DHRSX: variants seen among roughly 807,000 people sequenced by gnomAD.
DHRSX encodes the protein dehydrogenase/reductase X-linked, also known as polyprenol dehydrogenase.
A neutral mutation model predicts 34.0 loss-of-function variants in DHRSX; 31 were observed. The observed-to-expected ratio is 0.91, with a 90% CI of 0.69 to 1.23. The LOEUF (loss-of-function observed/expected upper bound fraction) is 1.23. DHRSX is among the 50% of genes most tolerant of loss of function. DHRSX has a pLI of 0.00. For synonymous variants in DHRSX, 201 were observed against 183.8 expected (o/e 1.09, Z -0.76); for missense variants, 414 against 428.1 (o/e 0.97, Z 0.29).
intron 1 of DHRSX, among the ~76,000 whole-genome samples, chrX:2,495,877 T>C (rs921136365): frequency 6.6e-6 from 1 of 152,060 alleles, no homozygotes; most frequent in Non-Finnish European, 1.5e-5. Context: ...GTGCCTCACA[T>C]GACTCTTACC....
intron 6 of DHRSX, among the ~76,000 whole-genome samples, chrX:2,232,069 TTTTA>T (rs1490568750): frequency 6.7e-6 from 1 of 148,714 alleles, no homozygotes; most frequent in African/African-American, 2.5e-5. Context: ...GTCTTCCTCC[TTTTA>T]TTTTTTCTCC....
At chrX:2,321,207 G>A (rs1048057764) in intron 3 of DHRSX, among the ~76,000 whole-genome samples, 1 of 152,168 alleles carries the variant, frequency 6.6e-6, no homozygotes, top group Admixed American at 6.6e-5. Context: ...TGCTGCCAAA[G>A]AGCTTGATGG....
chrX:2,345,998 C>G (rs775962658), intron 3 of DHRSX, among the ~76,000 whole-genome samples: 5 of 152,220 alleles, frequency 3.3e-5, no homozygotes, highest in African/African-American at 9.6e-5. Context: ...ACACACAGTT[C>G]CCTGGTTCTG....
At chrX:2,282,756 A>C (rs2041733284) in intron 4 of DHRSX, among the ~76,000 whole-genome samples, 1 of 122,522 alleles carries the variant, frequency 8.2e-6, no homozygotes, top group Non-Finnish European at 1.7e-5. Context: ...GAGAGAGAGA[A>C]GAGGGGAGAA....
chrX:2,282,798 AG>A (rs2041737425), intron 4 of DHRSX, among the ~76,000 whole-genome samples: 1 of 47,914 alleles, frequency 2.1e-5, no homozygotes, highest in African/African-American at 8.3e-5. Flanking sequence ...GAGAGAAGAA[AG>A]AGAGAAGAGA....
At position 2,443,269 on chromosome X, in the gene DHRSX, G is replaced by A. The variant is rs186791105; in HGVS notation, c.110-17965C>T. 2.0e-3 allele frequency among the ~76,000 whole-genome samples: 298 copies of A among 152,068 alleles called. 3 individuals are homozygous for A. The Middle Eastern group carries it at 0.051, about 26-fold the overall frequency. ...GCTCCTCTTAAACTCCTGGACTCAA[G>A]TGATTTTCCCACATCAGCCTCCGAA... On this transcript the variant is annotated intron_variant, in intron 1 of 6. Transcript: ENST00000334651.
At chrX:2,404,358 TGAG>T (rs2043526278) in intron 3 of DHRSX, among the ~76,000 whole-genome samples, 1 of 152,062 alleles carries the variant, frequency 6.6e-6, no homozygotes, top group South Asian at 2.1e-4. Context: ...CTGCTGCAAA[TGAG>T]GAAGGGCCAA....
At chrX:2,362,361 T>C (rs1428198020) in intron 3 of DHRSX, among the ~76,000 whole-genome samples, 1 of 152,182 alleles carries the variant, frequency 6.6e-6, no homozygotes, top group Non-Finnish European at 1.5e-5. Context: ...AATGCAGTGG[T>C]GTGATCTTGG....
At chrX:2,391,218 T>C (rs918871200) in intron 3 of DHRSX, among the ~76,000 whole-genome samples, 5 of 152,194 alleles carry the variant, frequency 3.3e-5, no homozygotes, top group African/African-American at 1.2e-4. Context: ...TTTTATTTCA[T>C]GGAATGCTGT....
chrX:2,385,142 G>GTA (rs1283398692), intron 3 of DHRSX, among the ~76,000 whole-genome samples: 3 of 144,218 alleles, frequency 2.1e-5, no homozygotes, highest in African/African-American at 7.5e-5. Context: ...GTGTGTATGT[G>GTA]TATATATATG....
chrX:2,429,460 T>A (rs55964833), intron 1 of DHRSX, among the ~76,000 whole-genome samples: 8 of 144,176 alleles, frequency 5.5e-5, no homozygotes, highest in African/African-American at 2.0e-4. Context: ...GCTTTTTTTT[T>A]TTTTTGAGCT....
chrX:2,346,495 C>G (rs2042713913), intron 3 of DHRSX, among the ~76,000 whole-genome samples: 1 of 152,016 alleles, frequency 6.6e-6, no homozygotes, highest in Admixed American at 6.6e-5. Context: ...TGCTGTCAAG[C>G]TCAATCTCCT....
At chrX:2,236,853 C>A (rs2016027046) in intron 6 of DHRSX, among the ~76,000 whole-genome samples, 1 of 150,740 alleles carries the variant, frequency 6.6e-6, no homozygotes, top group Non-Finnish European at 1.5e-5. Flanking sequence ...AATAGAAGGT[C>A]CAGAGAGGGT....
chrX:2,474,564 C>T (rs976869019), intron 1 of DHRSX, among the ~76,000 whole-genome samples: 17 of 151,698 alleles, frequency 1.1e-4, no homozygotes, highest in African/African-American at 3.9e-4. Context: ...CAAGGGACTG[C>T]CACGCTGTGC....
At chrX:2,452,267 AG>A (rs1236450519) in intron 1 of DHRSX, among the ~76,000 whole-genome samples, 1 of 151,984 alleles carries the variant, frequency 6.6e-6, no homozygotes, top group Non-Finnish European at 1.5e-5. Context: ...TTCCCTAAGC[AG>A]GTGGCTAAGG....
At chrX:2,369,844 T>G (rs112588390) in intron 3 of DHRSX, among the ~76,000 whole-genome samples, 3,893 of 152,144 alleles carry the variant, frequency 0.026, 70 homozygotes, top group Non-Finnish European at 0.035. Context: ...GGTTTCACCA[T>G]GTTGGTCAGG....
At chrX:2,346,970 G>A (rs1442806661) in intron 3 of DHRSX, among the ~76,000 whole-genome samples, 1 of 152,142 alleles carries the variant, frequency 6.6e-6, no homozygotes, top group Admixed American at 6.5e-5. Context: ...CCCTGCAAAG[G>A]ACATGAACTC....
At chrX:2,408,862 G>T in intron 2 of DHRSX, 49 bp from the exon 3 acceptor site, 1 of 1,439,124 alleles carries the variant, frequency 6.9e-7, no homozygotes, top group Non-Finnish European at 9.4e-7. Flanking sequence ...GGATTATCCA[G>T]AAACTATTAA....
chrX:2,408,739 C>A lies in DHRSX; in HGVS notation c.286+6G>T. ...AAAAAAAAGCCATTGGAGTATCTCTCGGTACCTTTGTCGTTCAAGGTTTCT... is the reference window on the plus strand; with the variant it reads ...AAAAAAAAGCCATTGGAGTATCTCTAGGTACCTTTGTCGTTCAAGGTTTCT... On this transcript the variant is annotated splice_donor_region_variant and intron_variant, in intron 3 of 6. Transcript: ENST00000334651. The A allele has an allele frequency of 1.9e-6, 3 of 1,609,238 alleles. No homozygotes were observed. The highest frequency in any genetic ancestry group is 2.5e-6 in the Non-Finnish European group (3 of 1,178,480).
Sources: allele counts gnomAD v4.1 joint callset (sites outside exome capture counted in the v4.1 genomes callset), GRCh38; gene constraint gnomAD v4.1.1; transcripts MANE v1.5; gene names NCBI Gene and HGNC (gene_info 2026-07-23, HGNC 2026-07-21).